The following CAMK2A variants were observed in gnomAD, a reference collection of about 807,000 sequenced individuals.
The protein encoded by CAMK2A is calcium/calmodulin dependent protein kinase II alpha, also known as calcium/calmodulin-dependent protein kinase type II subunit alpha.
In CAMK2A, 7 loss-of-function variants were observed where a neutral mutation model predicts 79.2. That is an observed-to-expected ratio of 0.09 (90% CI 0.05 to 0.17). The LOEUF is 0.17. Among genes scored for constraint, CAMK2A ranks in the 10% least tolerant of loss-of-function variants. The pLI, the probability that CAMK2A is intolerant of heterozygous loss-of-function variation, is 1.00. For synonymous variants in CAMK2A, 242 were observed against 251.7 expected, an observed-to-expected ratio of 0.96 and a Z score of 0.36; for missense variants, 214 against 646.4, an observed-to-expected ratio of 0.33 and a Z score of 7.25.
intron 13 of CAMK2A, among the ~76,000 whole-genome samples, chr5:150,243,713 A>G (rs1045737430): frequency 2.0e-5 from 3 of 152,202 alleles, no homozygotes; most frequent in African/African-American, 7.2e-5. Context: ...CACCTTGCTA[A>G]GCTCTCAGGG....
chr5:150,236,976 A>C (rs1468797045), intron 15 of CAMK2A, among the ~76,000 whole-genome samples: 1 of 152,064 alleles, frequency 6.6e-6, no homozygotes, highest in Non-Finnish European at 1.5e-5. Context: ...TGCAGCCTTA[A>C]ACTCCTGGCC....
At position 150,256,462 on chromosome 5, in the gene CAMK2A, TA is replaced by T; in HGVS notation, c.411+110del. ...ATCTCACCCACCCCACCTTCCAGCC[TA>T]ACACAGAGAAATTAAAGCGATTCTG... On this transcript the variant is annotated intron_variant, in intron 6 of 18. Transcript: ENST00000671881. This position sits in a 1 kb window ranked among gnomAD's most constrained non-coding sequence, Gnocchi z 4.6. 2 of 735,296 alleles carry T rather than the reference TA, an allele frequency of 2.7e-6. No homozygotes were observed. Among genetic ancestry groups the T allele is most frequent in the Non-Finnish European group, 4.7e-6 (2 of 427,510 alleles). 45.5% of individuals were successfully genotyped at this position (735,296 alleles called of 1,614,324 possible). A position where few individuals can be genotyped will look rare whatever the true frequency, so the allele number is the denominator to read the frequency against.
intron 2 of CAMK2A, among the ~76,000 whole-genome samples, chr5:150,268,888 T>A (rs1756621339): frequency 6.6e-6 from 1 of 152,050 alleles, no homozygotes; most frequent in Non-Finnish European, 1.5e-5. Context: ...GCCTCCCTCT[T>A]GAGTAGCTGG....
Position 150,250,219 on chromosome 5 carries a change from C to T in CAMK2A, c.900+7G>A. 3.1e-6 allele frequency: 5 copies of T among 1,611,810 alleles called. No homozygotes were observed. The highest frequency in any genetic ancestry group is 3.4e-6 in the Non-Finnish European group (4 of 1,177,936). ...GGCCAGGACTGTGGAGGGTGAGGAC[C>T]TGTTACCTTCAGTTTCCTCCTGGCA... On this transcript the variant is annotated splice_region_variant and intron_variant, in intron 11 of 18. Coordinates refer to ENST00000671881, the MANE Select transcript of CAMK2A (RefSeq NM_015981.4).
intron 1 of CAMK2A, among the ~76,000 whole-genome samples, chr5:150,285,631 T>A (rs1757393527): frequency 6.6e-6 from 1 of 152,104 alleles, no homozygotes; most frequent in African/African-American, 2.4e-5. Context: ...AGCTGCCCTC[T>A]CCTCCCTGTC....
At chr5:150,272,487 G>A (rs1381023489) in intron 2 of CAMK2A, among the ~76,000 whole-genome samples, 3 of 151,444 alleles carry the variant, frequency 2.0e-5, no homozygotes, top group African/African-American at 4.9e-5. Flanking sequence ...CAGGAGAATC[G>A]CTTGAACCCG....
rs566340532 is a variant in CAMK2A, at chr5:150,256,967, C to T, written c.273-136G>A. On this transcript the variant is annotated intron_variant, in intron 4 of 18. Transcript: ENST00000671881. This position sits in a 1 kb window ranked among gnomAD's most constrained non-coding sequence, Gnocchi z 4.6. ...CACAAAAGGAGGGGCCCCAGGGTCACGGGGGTGTCCCCTGCTGCAATGCCC... is the reference window on the plus strand; with the variant it reads ...CACAAAAGGAGGGGCCCCAGGGTCATGGGGGTGTCCCCTGCTGCAATGCCC... The T allele has an allele frequency of 9.9e-5, 64 of 646,898 alleles. No individual in the cohort carries two copies. Among genetic ancestry groups the T allele is most frequent in the Middle Eastern group, 7.6e-4 (2 of 2,632 alleles). The allele number at this position is 646,898 out of a possible 1,614,324, so 40.1% of individuals were successfully genotyped here.
At chr5:150,251,200 A>G (rs905814794) in intron 9 of CAMK2A, among the ~76,000 whole-genome samples, 4 of 152,234 alleles carry the variant, frequency 2.6e-5, no homozygotes, top group African/African-American at 7.2e-5. Context: ...TAAATACAAT[A>G]TAAAACATAC....
intron 3 of CAMK2A, among the ~76,000 whole-genome samples, chr5:150,260,995 A>G (rs1367021323): frequency 6.6e-6 from 1 of 152,192 alleles, no homozygotes; most frequent in Non-Finnish European, 1.5e-5. Context: ...GGGCTTTTAG[A>G]ACCATGGCAA....
rs1402189917 is a variant in CAMK2A, at chr5:150,221,417, G to A, written c.*1293C>T. ...GGGGAGAGAGGCAATGAAGACACAC[G>A]CTCACGGGCCCCCCAGAGGTGGGTG... is the stretch of plus-strand genomic sequence containing the variant. On this transcript the variant is annotated 3_prime_UTR_variant, in exon 19 of 19. Coordinates refer to ENST00000671881, the MANE Select transcript of CAMK2A (RefSeq NM_015981.4). 12 of 398,710 alleles carry A rather than the reference G, an allele frequency of 3.0e-5. No individual in the cohort carries two copies. Among genetic ancestry groups the A allele is most frequent in the African/African-American group, 6.2e-5 (3 of 48,718 alleles). 24.7% of individuals were successfully genotyped at this position (398,710 alleles called of 1,614,324 possible).
At chr5:150,261,646 A>G (rs767514220) in intron 3 of CAMK2A, among the ~76,000 whole-genome samples, 4 of 152,100 alleles carry the variant, frequency 2.6e-5, no homozygotes, top group Non-Finnish European at 5.9e-5. Flanking sequence ...CCTTATTTGC[A>G]TGTCCCCCTG....
upstream of CAMK2A, chr5:150,289,851 C>T (rs993071817): frequency 2.0e-5 from 11 of 543,892 alleles, no homozygotes; most frequent in African/African-American, 3.8e-5. Flanking sequence ...ACCTCCAAAA[C>T]GCCCTGTTCC....
chr5:150,236,619 T>C (rs1428165250), intron 15 of CAMK2A, among the ~76,000 whole-genome samples: 1 of 152,216 alleles, frequency 6.6e-6, no homozygotes, highest in Admixed American at 6.5e-5. Flanking sequence ...TCCCTGCCTG[T>C]TCTGAGGCCA....
chr5:150,225,041 GGAGAGAGAGAGAGAGAGAGAGAGAGA>G (rs58360121), intron 17 of CAMK2A, among the ~76,000 whole-genome samples: 2 of 108,898 alleles, frequency 1.8e-5, no homozygotes, highest in Admixed American at 1.0e-4. Context: ...TGGTAGGTAG[GGAGAGAGAGAGAGAGAGAGAGAGAGA>G]GAGAGAAAGT....
intron 13 of CAMK2A, among the ~76,000 whole-genome samples, chr5:150,243,308 C>T (rs1024346750): frequency 1.3e-5 from 2 of 152,156 alleles, no homozygotes; most frequent in African/African-American, 4.8e-5. Context: ...TCCCCACATC[C>T]CCCAAATCGG....
chr5:150,267,183 G>A (rs925372316), intron 2 of CAMK2A, among the ~76,000 whole-genome samples: 1 of 152,126 alleles, frequency 6.6e-6, no homozygotes, highest in African/African-American at 2.4e-5. Context: ...CTGACTTCTG[G>A]GCAGAGGAAG....
intron 12 of CAMK2A, among the ~76,000 whole-genome samples, chr5:150,247,271 C>G (rs1303232490): frequency 6.6e-6 from 1 of 152,248 alleles, no homozygotes; most frequent in Non-Finnish European, 1.5e-5. Context: ...TGACCTGGGA[C>G]AAGTCAGAGC....
chr5:150,275,823 C>A (rs888451170), intron 1 of CAMK2A, among the ~76,000 whole-genome samples: 1 of 143,660 alleles, frequency 7.0e-6, no homozygotes, highest in South Asian at 2.1e-4. Flanking sequence ...GATGTTTTCA[C>A]CAAACCAGAA....
At position 150,253,180 on chromosome 5, in the gene CAMK2A, G is replaced by A. The variant is rs575036648; in HGVS notation, c.514+264C>T. The stretch of plus-strand genomic sequence containing the variant: ...GAGCCCTTTGGGGAGGAGAGATGGC[G>A]GAGGGGAGTGACAGGAAAGGAGAGA... On this transcript the variant is annotated intron_variant, in intron 7 of 18. Transcript: ENST00000671881. Among the ~76,000 whole-genome samples the A allele has an allele frequency of 5.9e-5, 9 of 152,300 alleles. No individual in the cohort carries two copies. The South Asian group carries it at 6.2e-4, about 11-fold the overall frequency.
Sources: gnomAD v4.1 joint callset for allele counts (sites outside exome capture counted in the v4.1 genomes callset) on GRCh38, gnomAD v4.1.1 for gene constraint, Gnocchi (gnomAD v3.1) non-coding constraint, MANE v1.5 for transcripts, NCBI Gene and HGNC (gene_info 2026-07-23, HGNC 2026-07-21) for gene names.